The following INPP5A variants were observed in gnomAD, a reference collection of about 807,000 sequenced individuals.
The protein encoded by INPP5A is 43 kDa inositol polyphosphate 5-phophatase.
INPP5A carries 14 observed loss-of-function variants against 65.2 expected under a neutral mutation model. The observed-to-expected ratio is 0.21, with a 90% confidence interval of 0.14 to 0.34. The LOEUF (loss-of-function observed/expected upper bound fraction) is 0.34. Among genes scored for constraint, INPP5A ranks in the 10% least tolerant of loss-of-function variants. The probability of loss-of-function intolerance (pLI) is 1.00; values close to 1 mark genes in which losing one functional copy is unlikely to be tolerated. For missense variants in INPP5A, 431 were observed against 545.6 expected, an observed-to-expected ratio of 0.79 and a Z score of 2.09; for synonymous variants, 207 against 208.3, an observed-to-expected ratio of 0.99 and a Z score of 0.05.
intron 9 of INPP5A, among the ~76,000 whole-genome samples, chr10:132,728,137 G>T (rs576352275): frequency 6.6e-6 from 1 of 152,312 alleles, no homozygotes; most frequent in Admixed American, 6.5e-5. Context: ...GGCCGTGCTG[G>T]TGGCATTGCC....
At chr10:132,708,975 G>C (rs908358568) in intron 7 of INPP5A, among the ~76,000 whole-genome samples, 1 of 151,998 alleles carries the variant, frequency 6.6e-6, no homozygotes, top group South Asian at 2.1e-4. Context: ...TCTTTTCATG[G>C]ATTTTCCAAA....
intron 2 of INPP5A, among the ~76,000 whole-genome samples, chr10:132,624,739 A>G (rs190492623): frequency 2.0e-4 from 30 of 152,188 alleles, no homozygotes; most frequent in African/African-American, 6.7e-4. Flanking sequence ...TCTTGGTTCC[A>G]GCTGCCTGGA....
chr10:132,701,217 G>A (rs1344581738), intron 6 of INPP5A, among the ~76,000 whole-genome samples: 2 of 152,224 alleles, frequency 1.3e-5, no homozygotes, highest in Non-Finnish European at 1.5e-5. Flanking sequence ...AGGGGCCTGA[G>A]AGAGACTTCA....
chr10:132,757,428 C>A (rs1412127169), intron 11 of INPP5A, among the ~76,000 whole-genome samples: 2 of 152,260 alleles, frequency 1.3e-5, no homozygotes, highest in Non-Finnish European at 2.9e-5. Flanking sequence ...CAGGTACTTA[C>A]AGTGTGTTAC....
intron 1 of INPP5A, among the ~76,000 whole-genome samples, chr10:132,601,507 C>T (rs79832397): frequency 6.6e-6 from 1 of 152,298 alleles, no homozygotes; most frequent in African/African-American, 2.4e-5. Context: ...AGTTTGATGT[C>T]CCGCTTGTCT....
chr10:132,557,560 G>A (rs2071143373), intron 1 of INPP5A, among the ~76,000 whole-genome samples: 1 of 152,232 alleles, frequency 6.6e-6, no homozygotes, highest in African/African-American at 2.4e-5. Flanking sequence ...TTTTCTTCTT[G>A]CCTCTTTTCT....
chr10:132,578,051 A>G (rs2071430804), intron 1 of INPP5A, among the ~76,000 whole-genome samples: 1 of 152,216 alleles, frequency 6.6e-6, no homozygotes, highest in Non-Finnish European at 1.5e-5. Flanking sequence ...TTGTTTTGAG[A>G]TTAGGCTCAG....
chr10:132,679,136 G>A (rs1203257030), intron 4 of INPP5A, among the ~76,000 whole-genome samples: 1 of 152,212 alleles, frequency 6.6e-6, no homozygotes. Flanking sequence ...GGAGGCGGGG[G>A]CCCCACAGGG....
At chr10:132,553,301 A>G (rs1490332760) in intron 1 of INPP5A, among the ~76,000 whole-genome samples, 7 of 127,470 alleles carry the variant, frequency 5.5e-5, no homozygotes, top group Non-Finnish European at 1.6e-5. Context: ...AATATTGGGT[A>G]GGATAGGGAG....
rs2071891874 is a variant in INPP5A, at chr10:132,608,426, C to A, written c.117+470C>A. ...GCACTGCCAGGCCGAGGCACGGACC[C>A]CCCTGTCTAATATGGGGCCGGTGTT... On this transcript the variant is annotated intron_variant, in intron 2 of 15. Transcript: ENST00000368594. Among the ~76,000 whole-genome samples the A allele has an allele frequency of 2.0e-5, 3 of 152,238 alleles. No homozygotes were observed. The South Asian group carries it at 6.2e-4, about 31-fold the overall frequency.
Position 132,603,118 on chromosome 10 carries a change from G to A in INPP5A, c.76-4797G>A, listed in dbSNP as rs530787517. Among the ~76,000 whole-genome samples, 3 of 152,256 alleles carry A rather than the reference G, an allele frequency of 2.0e-5. No homozygotes were observed. Among genetic ancestry groups the A allele is most frequent in the African/African-American group, 2.4e-5 (1 of 41,534 alleles). Reference sequence around the variant, plus strand: ...GCCTCTTCCCTCAACAGTGTGAAATGCCTCAATCTCTCCTGCTGACGTCTC... The same window carrying A: ...GCCTCTTCCCTCAACAGTGTGAAATACCTCAATCTCTCCTGCTGACGTCTC... On this transcript the variant is annotated intron_variant, in intron 1 of 15. Transcript: ENST00000368594. This position sits in a 1 kb window ranked among gnomAD's most constrained non-coding sequence, Gnocchi z 4.2.
intron 1 of INPP5A, among the ~76,000 whole-genome samples, chr10:132,578,592 G>C (rs554832108): frequency 5.5e-4 from 25 of 45,626 alleles, no homozygotes; most frequent in South Asian, 2.4e-3. Flanking sequence ...GCGGGGGCTG[G>C]AGGGGCTCTG....
intron 8 of INPP5A, among the ~76,000 whole-genome samples, chr10:132,717,846 C>A (rs58676435): frequency 5.8e-5 from 7 of 119,868 alleles, no homozygotes; most frequent in South Asian, 2.9e-4. Flanking sequence ...GGCTGTCTTG[C>A]GGGTTCTGTG....
At chr10:132,642,922 A>G (rs1287513459) in intron 2 of INPP5A, among the ~76,000 whole-genome samples, 2 of 152,176 alleles carry the variant, frequency 1.3e-5, no homozygotes, top group Non-Finnish European at 2.9e-5. Context: ...AACTGAGAGT[A>G]TGTGCTGTTG....
chr10:132,624,765 C>T (rs1186535553), intron 2 of INPP5A, among the ~76,000 whole-genome samples: 1 of 152,142 alleles, frequency 6.6e-6, no homozygotes, highest in African/African-American at 2.4e-5. Context: ...TGTGGCCTGC[C>T]GGACTTAGAA....
chr10:132,770,297 C>T (rs779624157), intron 12 of INPP5A, among the ~76,000 whole-genome samples: 16 of 152,250 alleles, frequency 1.1e-4, no homozygotes, highest in Non-Finnish European at 1.6e-4. Context: ...ACCGCAGTGT[C>T]GCCGGCCATC....
intron 8 of INPP5A, among the ~76,000 whole-genome samples, chr10:132,715,605 A>G (rs1392872711): frequency 6.6e-6 from 1 of 152,198 alleles, no homozygotes; most frequent in African/African-American, 2.4e-5. Flanking sequence ...AAGAGCCCCC[A>G]ACCTAAATGT....
At chr10:132,691,998 C>T (rs1347276414) in intron 5 of INPP5A, among the ~76,000 whole-genome samples, 1 of 152,172 alleles carries the variant, frequency 6.6e-6, no homozygotes, top group Non-Finnish European at 1.5e-5. Context: ...TGACGATATT[C>T]TCAGTGCCCC....
At chr10:132,714,040 C>T (rs1763678091) in intron 8 of INPP5A, among the ~76,000 whole-genome samples, 1 of 152,196 alleles carries the variant, frequency 6.6e-6, no homozygotes, top group Admixed American at 6.5e-5. Context: ...TCTCGGGGAC[C>T]TCCCACGGAG....
Sources: gnomAD v4.1 joint callset for allele counts (sites outside exome capture counted in the v4.1 genomes callset) on GRCh38, gnomAD v4.1.1 for gene constraint, Gnocchi (gnomAD v3.1) non-coding constraint, MANE v1.5 for transcripts, NCBI Gene and HGNC (gene_info 2026-07-23, HGNC 2026-07-21) for gene names.